The following IMMP2L variants were observed in gnomAD, a reference collection of about 807,000 sequenced individuals.
The protein encoded by IMMP2L is mitochondrial inner membrane protease subunit 2.
IMMP2L carries 18 observed loss-of-function variants against 19.3 expected under a neutral mutation model. That is an observed-to-expected ratio of 0.93 (90% CI 0.64 to 1.38). IMMP2L has a LOEUF of 1.38. Ranked by LOEUF, IMMP2L falls within the 40% of genes most tolerant of loss-of-function variation. IMMP2L has a pLI of 0.00. For synonymous variants in IMMP2L, 76 were observed against 73.0 expected (o/e 1.04, Z -0.21); for missense variants, 233 against 218.2 (o/e 1.07, Z -0.43).
chr7:111,130,969 T>C (rs189041978), intron 3 of IMMP2L, among the ~76,000 whole-genome samples: 1 of 152,088 alleles, frequency 6.6e-6, no homozygotes. Context: ...TGAAACAAAA[T>C]TCTAGTACAG....
chr7:110,950,857 T>C (rs905819555), intron 4 of IMMP2L, among the ~76,000 whole-genome samples: 1 of 126,382 alleles, frequency 7.9e-6, no homozygotes, highest in African/African-American at 3.9e-5. Flanking sequence ...TATATATATA[T>C]ATATATATAT....
chr7:111,479,538 T>C (rs1463194558), intron 3 of IMMP2L, among the ~76,000 whole-genome samples: 1 of 152,102 alleles, frequency 6.6e-6, no homozygotes, highest in African/African-American at 2.4e-5. Flanking sequence ...TATTTCCTGC[T>C]TGAAACCTAA....
chr7:111,506,258 C>A (rs1350995343), intron 2 of IMMP2L, among the ~76,000 whole-genome samples: 9 of 151,502 alleles, frequency 5.9e-5, no homozygotes, highest in Admixed American at 5.9e-4. Context: ...AAGAAATGCT[C>A]CTTCATAATA....
At chr7:110,826,351 G>T (rs530458999) in intron 5 of IMMP2L, among the ~76,000 whole-genome samples, 1 of 152,140 alleles carries the variant, frequency 6.6e-6, no homozygotes, top group Admixed American at 6.5e-5. Flanking sequence ...ATACCCAAAG[G>T]TGTATAAATC....
intron 5 of IMMP2L, among the ~76,000 whole-genome samples, chr7:110,705,098 C>G (rs1475914524): frequency 9.6e-6 from 1 of 103,966 alleles, no homozygotes; most frequent in Non-Finnish European, 2.1e-5. Context: ...TGGAAGCTTA[C>G]TATCAATGTC....
chr7:110,971,102 T>C (rs985926718), intron 3 of IMMP2L, among the ~76,000 whole-genome samples: 3 of 152,170 alleles, frequency 2.0e-5, no homozygotes, highest in Admixed American at 1.3e-4. Flanking sequence ...AGAACTGAGG[T>C]TGGGACCTTT....
chr7:110,967,227 A>G (rs1819630502), intron 3 of IMMP2L, among the ~76,000 whole-genome samples: 1 of 152,016 alleles, frequency 6.6e-6, no homozygotes, highest in Non-Finnish European at 1.5e-5. Context: ...TGTAGACATA[A>G]TAGAATTTCC....
chr7:110,981,914 A>G (rs1821346960), intron 3 of IMMP2L, among the ~76,000 whole-genome samples: 1 of 152,178 alleles, frequency 6.6e-6, no homozygotes, highest in African/African-American at 2.4e-5. Context: ...ACCTGGAATT[A>G]TAAGTACCTT....
intron 5 of IMMP2L, among the ~76,000 whole-genome samples, chr7:110,773,606 G>T (rs1413240964): frequency 6.6e-6 from 1 of 152,046 alleles, no homozygotes; most frequent in Non-Finnish European, 1.5e-5. Context: ...TTCCCAAAGA[G>T]TTATAAACAC....
At chr7:110,973,219 A>G (rs1325775337) in intron 3 of IMMP2L, among the ~76,000 whole-genome samples, 2 of 152,158 alleles carry the variant, frequency 1.3e-5, no homozygotes, top group Admixed American at 1.3e-4. Context: ...GGAAATGGCT[A>G]TGTTAGCTAG....
intron 5 of IMMP2L, among the ~76,000 whole-genome samples, chr7:110,779,961 T>G (rs1330622626): frequency 6.6e-6 from 1 of 151,790 alleles, no homozygotes; most frequent in Non-Finnish European, 1.5e-5. Context: ...ATAAAAGAAA[T>G]AAATGAAATA....
At chr7:111,371,502 T>C (rs1830261209) in intron 3 of IMMP2L, among the ~76,000 whole-genome samples, 1 of 152,012 alleles carries the variant, frequency 6.6e-6, no homozygotes, top group South Asian at 2.1e-4. Flanking sequence ...AAAATCTTGT[T>C]AGCATATGCC....
intron 4 of IMMP2L, among the ~76,000 whole-genome samples, chr7:110,904,472 A>G (rs1161865289): frequency 6.6e-6 from 1 of 152,176 alleles, no homozygotes; most frequent in Admixed American, 6.5e-5. Context: ...GCATGTGGAT[A>G]TCCAGTTTTC....
At chr7:111,145,534 T>C (rs944640156) in intron 3 of IMMP2L, among the ~76,000 whole-genome samples, 4 of 152,124 alleles carry the variant, frequency 2.6e-5, no homozygotes, top group African/African-American at 9.7e-5. Context: ...AGAATGATAA[T>C]GGATTTGATA....
At chr7:110,925,445 T>A (rs990177980) in intron 4 of IMMP2L, among the ~76,000 whole-genome samples, 25 of 152,136 alleles carry the variant, frequency 1.6e-4, no homozygotes, top group Non-Finnish European at 3.1e-4. Context: ...AAATTTTTTT[T>A]AATTATACTT....
intron 3 of IMMP2L, among the ~76,000 whole-genome samples, chr7:111,007,712 C>G (rs981380819): frequency 5.3e-5 from 8 of 151,976 alleles, no homozygotes; most frequent in Admixed American, 2.0e-4. Context: ...TCTGTGCATA[C>G]ATACTTATAT....
At chr7:110,703,170 G>A (rs1439728764) in intron 5 of IMMP2L, among the ~76,000 whole-genome samples, 1 of 152,060 alleles carries the variant, frequency 6.6e-6, no homozygotes, top group Non-Finnish European at 1.5e-5. Flanking sequence ...TTTTTCAAAT[G>A]CTTTTTCTGC....
intron 1 of IMMP2L, among the ~76,000 whole-genome samples, chr7:111,548,104 C>G (rs916209864): frequency 6.6e-6 from 1 of 151,968 alleles, no homozygotes; most frequent in African/African-American, 2.4e-5. Flanking sequence ...CACGTTTAGC[C>G]TGGGTAGTGA....
rs558900205 is a variant in IMMP2L at position 110,757,860 on chromosome 7, A to G, written c.409-94139T>C. 6.6e-6 allele frequency among the ~76,000 whole-genome samples: 1 copy of G among 152,052 alleles called. No homozygotes were observed. Among genetic ancestry groups the G allele is most frequent in the South Asian group, 2.1e-4 (1 of 4,830 alleles). The stretch of plus-strand genomic sequence containing the variant: ...GTAGACTCCTGAAAGTGGGGAGGGG[A>G]AGCCATGCAGCTGTTTGGAGGAAGA... On this transcript the variant is annotated intron_variant, in intron 5 of 5. Transcript: ENST00000405709. This position sits in a 1 kb window ranked among gnomAD's most constrained non-coding sequence, Gnocchi z 4.2.
Sources: gnomAD v4.1 joint callset for allele counts (sites outside exome capture counted in the v4.1 genomes callset) on GRCh38, gnomAD v4.1.1 for gene constraint, Gnocchi (gnomAD v3.1) non-coding constraint, MANE v1.5 for transcripts, NCBI Gene and HGNC (gene_info 2026-07-23, HGNC 2026-07-21) for gene names.